FRY: variants seen among roughly 807,000 people sequenced by gnomAD.
FRY encodes protein furry homolog.
Under a neutral mutation model 348.4 loss-of-function variants are expected in FRY, and 128 were observed. That is an observed-to-expected ratio of 0.37 (90% confidence interval 0.32 to 0.43). The LOEUF (loss-of-function observed/expected upper bound fraction) is 0.43, where lower values mean the gene tolerates loss of function less well. Ranked by LOEUF, FRY falls within the 20% of genes least tolerant of loss-of-function variation. The pLI is 1.00. For synonymous variants in FRY, 1,370 were observed against 1,374.7 expected (o/e 1.00, Z 0.08); for missense variants, 2,736 against 3,695.2 (o/e 0.74, Z 6.73).
At chr13:32,233,101 G>A (rs1450278773) in intron 41 of FRY, among the ~76,000 whole-genome samples, 3 of 152,142 alleles carry the variant, frequency 2.0e-5, no homozygotes, top group African/African-American at 7.2e-5. Context: ...GATACGAGCA[G>A]CCTACATGGG....
chr13:32,192,125 G>A (rs546124057), intron 28 of FRY, among the ~76,000 whole-genome samples: 112 of 152,202 alleles, frequency 7.4e-4, no homozygotes, highest in Middle Eastern at 3.4e-3. Flanking sequence ...TTTTTGACCT[G>A]GTGGTGATCA....
chr13:32,091,781 A>C (rs1048449106), intron 2 of FRY, among the ~76,000 whole-genome samples: 2 of 152,208 alleles, frequency 1.3e-5, no homozygotes, highest in African/African-American at 2.4e-5. Context: ...ACTGCTGCTG[A>C]TATCAAAACC....
intron 32 of FRY, 36 bp downstream of exon 32, chr13:32,209,145 C>A (rs1884530221): frequency 1.2e-6 from 2 of 1,612,694 alleles, no homozygotes; most frequent in Non-Finnish European, 1.7e-6. Context: ...AATAGCATGG[C>A]TCCATCATCA....
At chr13:32,034,290 T>G (rs889040069) in intron 1 of FRY, among the ~76,000 whole-genome samples, 3 of 152,196 alleles carry the variant, frequency 2.0e-5, no homozygotes, top group African/African-American at 7.2e-5. Context: ...AAATGGCACA[T>G]TGTGGGGAAA....
Position 32,161,240 on chromosome 13 carries a change from C to T in FRY, c.1881C>T (p.Asp627=), listed in dbSNP as rs1881427156. Residue 627 remains aspartate (D), a synonymous_variant, in exon 17 of 61, where the codon GAC becomes GAT. Transcript: ENST00000542859. ...PDGMSKLELI[D]LLARLSIHMD... is the part of the protein sequence containing the mutation. ...GGATGTCAAAACTTGAACTTATTGA[C>T]TTACTGGCTAGGTAGGTGAGAATAT... The T allele has an allele frequency of 1.3e-6, 2 of 1,595,444 alleles. No homozygotes were observed. Among genetic ancestry groups the T allele is most frequent in the South Asian group, 1.1e-5 (1 of 90,734 alleles).
chr13:32,122,123 A>C (rs1187180928), intron 4 of FRY, among the ~76,000 whole-genome samples: 5 of 152,172 alleles, frequency 3.3e-5, no homozygotes, highest in Non-Finnish European at 7.3e-5. Context: ...AACAAAAATC[A>C]CATGTTCATC....
chr13:32,189,880 T>TA (rs1441232140), intron 28 of FRY, among the ~76,000 whole-genome samples: 1 of 152,044 alleles, frequency 6.6e-6, no homozygotes, highest in African/African-American at 2.4e-5. Context: ...AGATTGTCTC[T>TA]AATACATAGA....
intron 55 of FRY, among the ~76,000 whole-genome samples, chr13:32,274,581 G>A (rs966813014): frequency 1.8e-4 from 28 of 151,546 alleles, no homozygotes; most frequent in Non-Finnish European, 2.7e-4. Flanking sequence ...GCAGGCACCT[G>A]TAGTCCCAGC....
chr13:32,226,965 T>G (rs1259435481), intron 39 of FRY, among the ~76,000 whole-genome samples: 1 of 152,230 alleles, frequency 6.6e-6, no homozygotes, highest in East Asian at 1.9e-4. Context: ...GCTGTAGATG[T>G]TTAAACTGAA....
intron 16 of FRY, among the ~76,000 whole-genome samples, chr13:32,159,463 A>G (rs959185429): frequency 3.3e-5 from 5 of 152,220 alleles, no homozygotes; most frequent in African/African-American, 1.2e-4. Context: ...GCTAGTACAA[A>G]AAAAGAAAGA....
intron 11 of FRY, among the ~76,000 whole-genome samples, chr13:32,139,309 A>G (rs769745399): frequency 5.4e-4 from 82 of 152,178 alleles, no homozygotes; most frequent in Middle Eastern, 6.8e-3. Flanking sequence ...TGACCACCAA[A>G]CCAACCCTTC....
chr13:32,212,972 T>C (rs759400142), intron 35 of FRY, among the ~76,000 whole-genome samples: 2 of 152,026 alleles, frequency 1.3e-5, no homozygotes, highest in African/African-American at 4.8e-5. Context: ...TTTCCTGCAG[T>C]TGATTGTGAA....
At chr13:32,283,991 A>C (rs891459736) in intron 58 of FRY, among the ~76,000 whole-genome samples, 2 of 152,224 alleles carry the variant, frequency 1.3e-5, no homozygotes, top group Non-Finnish European at 2.9e-5. Context: ...CAGGGAACAA[A>C]GTCTGCAGAC....
At chr13:32,036,315 C>T (rs1872510882) in intron 1 of FRY, among the ~76,000 whole-genome samples, 1 of 152,150 alleles carries the variant, frequency 6.6e-6, no homozygotes, top group African/African-American at 2.4e-5. Context: ...TAGAAGGAGA[C>T]TTACTCCAGT....
chr13:32,169,276 C>T (rs1030063120), intron 17 of FRY, among the ~76,000 whole-genome samples: 3 of 152,186 alleles, frequency 2.0e-5, no homozygotes, highest in African/African-American at 7.2e-5. Context: ...TCCTGCCTGA[C>T]TCTCTTTTCT....
chr13:32,237,935 C>A lies in FRY; in HGVS notation c.6367C>A (p.Leu2123Met). The stretch of plus-strand genomic sequence containing the variant: ...AGACCTGACCCTGCAGCTCTTCAGT[C>A]TGCTGACACCAGTGTCCAAAATATC... ...TTDLTLQLFS[L>M]LTPVSKISMV... is the part of the protein sequence containing the mutation. Residue 2123 changes from leucine to methionine, a missense_variant, in exon 44 of 61, where the codon CTG (leucine) becomes ATG (methionine). This residue lies in a region of FRY where 789 missense variants were observed against 996.2 expected (regional missense o/e 0.79). Transcript: ENST00000542859. This position sits in a 1 kb window ranked among gnomAD's most constrained non-coding sequence, Gnocchi z 6.3. The A allele has an allele frequency of 6.2e-7, 1 of 1,614,150 alleles. No individual in the cohort carries two copies. The highest frequency in any genetic ancestry group is 1.1e-5 in the South Asian group (1 of 91,076).
intron 4 of FRY, among the ~76,000 whole-genome samples, chr13:32,120,372 C>A (rs1278379954): frequency 6.6e-6 from 1 of 151,954 alleles, no homozygotes; most frequent in Non-Finnish European, 1.5e-5. Context: ...TCCAAATGAG[C>A]CCTCAATCAG....
At chr13:32,267,410 G>C (rs377612679) in intron 55 of FRY, 51 bp downstream of exon 55, 86 of 1,507,280 alleles carry the variant, frequency 5.7e-5, no homozygotes, top group Non-Finnish European at 7.7e-5. Context: ...AGGGGAGCCG[G>C]GTAACTTTGA....
chr13:32,244,139 A>T lies in FRY; in HGVS notation c.6785A>T (p.Gln2262Leu), dbSNP rs200186809. Reference protein sequence around the residue: ...YMDLSVVPVKQFNVEVLKTIE... With the variant: ...YMDLSVVPVKLFNVEVLKTIE... ...GACCTTTCTGTCGTTCCTGTCAAAC[A>T]GTTCAATGTGGAAGTTCTGAAGACA... The change falls in exon 47 of 61, where the codon CAG becomes CTG. Residue 2262 changes from glutamine to leucine, a missense_variant. This residue lies in a region of FRY where 789 missense variants were observed against 996.2 expected (regional missense o/e 0.79). Coordinates refer to ENST00000542859, the MANE Select transcript of FRY (RefSeq NM_023037.3). 6.8e-6 allele frequency: 11 copies of T among 1,614,044 alleles called. No individual in the cohort carries two copies. Among genetic ancestry groups the T allele is most frequent in the Non-Finnish European group, 9.3e-6 (11 of 1,179,884 alleles).
Sources: allele counts gnomAD v4.1 joint callset (sites outside exome capture counted in the v4.1 genomes callset), GRCh38; gene constraint gnomAD v4.1.1; regional missense constraint gnomAD v4.1.1; non-coding constraint Gnocchi (gnomAD v3.1); transcripts MANE v1.5; gene names NCBI Gene and HGNC (gene_info 2026-07-23, HGNC 2026-07-21).